The following ERAP1 variants were observed in gnomAD, a reference collection of about 807,000 sequenced individuals.
ERAP1 encodes the protein endoplasmic reticulum aminopeptidase 1, also known as adipocyte-derived leucine aminopeptidase.
Under a neutral mutation model 103.7 loss-of-function variants are expected in ERAP1, and 86 were observed. The observed-to-expected ratio is 0.83, with a 90% confidence interval of 0.70 to 0.99. The LOEUF (loss-of-function observed/expected upper bound fraction) is 0.99, where lower values mean the gene tolerates loss of function less well. ERAP1 is among the 50% of genes least tolerant of loss of function. The pLI, the probability that ERAP1 is intolerant of heterozygous loss-of-function variation, is 0.00. For missense variants in ERAP1, 1,009 were observed against 1,128.4 expected (o/e 0.89, Z 1.52); for synonymous variants, 398 against 402.4 (o/e 0.99, Z 0.13).
downstream of ERAP1, among the ~76,000 whole-genome samples, chr5:96,771,374 C>A (rs1772255697): frequency 6.6e-6 from 1 of 152,004 alleles, no homozygotes; most frequent in Non-Finnish European, 1.5e-5. Context: ...TTAAGAACAC[C>A]TATGCATATT....
the ERAP1 span, among the ~76,000 whole-genome samples, chr5:96,867,323 C>T: frequency 6.6e-6 from 1 of 152,078 alleles, no homozygotes; most frequent in African/African-American, 2.4e-5. Flanking sequence ...TGAGATTATA[C>T]CCTGTGCTTT....
chr5:96,802,295 G>A (rs1182794741), intron 2 of ERAP1, among the ~76,000 whole-genome samples: 4 of 151,986 alleles, frequency 2.6e-5, no homozygotes, highest in Admixed American at 2.6e-4. Flanking sequence ...TTAAAAAGAT[G>A]TCTAGTAATA....
At chr5:96,886,032 C>G in the ERAP1 span, among the ~76,000 whole-genome samples, 6 of 152,322 alleles carry the variant, frequency 3.9e-5, no homozygotes, top group South Asian at 1.2e-3. Flanking sequence ...TGTCACGCAG[C>G]AAGTGAGAGA....
chr5:96,869,696 T>G, the ERAP1 span, among the ~76,000 whole-genome samples: 2 of 152,102 alleles, frequency 1.3e-5, no homozygotes, highest in Non-Finnish European at 2.9e-5. Context: ...TAAACATAAG[T>G]CTAGTGAAAA....
rs1237201442 is a variant in ERAP1, at chr5:96,775,012, C to T, written c.*1384G>A. The T allele has an allele frequency of 2.4e-5, 24 of 985,350 alleles. No individual in the cohort carries two copies. Among genetic ancestry groups the T allele is most frequent in the Non-Finnish European group, 2.9e-5 (24 of 829,910 alleles). The allele number at this position is 985,350 out of a possible 1,614,324, so 61.0% of individuals were successfully genotyped here. ...CCTTTGCCAGGTGTGAGGATTTCCGCACCTTAGAGTCAGCGCAAAACACGC... is the reference window on the plus strand; with the variant it reads ...CCTTTGCCAGGTGTGAGGATTTCCGTACCTTAGAGTCAGCGCAAAACACGC... On this transcript the variant is annotated 3_prime_UTR_variant, in exon 19 of 19. Transcript: ENST00000443439.
intron 19 of ERAP1, among the ~76,000 whole-genome samples, chr5:96,763,452 G>A (rs929731732): frequency 9.9e-5 from 15 of 152,168 alleles, no homozygotes; most frequent in African/African-American, 3.6e-4. Context: ...CTAGGCTGCC[G>A]TTTACACTTC....
the ERAP1 span, among the ~76,000 whole-genome samples, chr5:96,903,140 T>G: frequency 6.6e-6 from 1 of 152,156 alleles, no homozygotes; most frequent in Non-Finnish European, 1.5e-5. Context: ...CATAGACAAT[T>G]TTTTAGAACA....
intron 19 of ERAP1, among the ~76,000 whole-genome samples, chr5:96,764,424 C>T (rs1769088018): frequency 6.6e-6 from 1 of 152,078 alleles, no homozygotes; most frequent in Non-Finnish European, 1.5e-5. Flanking sequence ...TATTGTTGTC[C>T]ATAATTTTTT....
the ERAP1 span, among the ~76,000 whole-genome samples, chr5:96,887,303 C>CTTT: frequency 5.8e-5 from 8 of 137,530 alleles, 1 homozygote; most frequent in Non-Finnish European, 6.2e-5. Flanking sequence ...TTGTTTCCGA[C>CTTT]TTTTTTTTTT....
At chr5:96,765,401 T>C (rs1769561665) in intron 19 of ERAP1, 1 of 726,446 alleles carries the variant, frequency 1.4e-6, no homozygotes, top group Non-Finnish European at 2.4e-6. Context: ...TCTGTCATTG[T>C]CATAGGAATA....
At chr5:96,828,938 C>A in the ERAP1 span, among the ~76,000 whole-genome samples, 17,507 of 152,094 alleles carry the variant, frequency 0.12, 1,297 homozygotes, top group Middle Eastern at 0.24. Flanking sequence ...CCTCTGACTC[C>A]CTTGTTCAAG....
At chr5:96,917,476 T>A in the ERAP1 span, 1 of 1,609,876 alleles carries the variant, frequency 6.2e-7, no homozygotes, top group Non-Finnish European at 8.5e-7. Context: ...AACTATTTTT[T>A]GAATCTCTTG....
downstream of ERAP1, chr5:96,770,532 A>G: frequency 1.2e-6 from 2 of 1,609,818 alleles, no homozygotes; most frequent in Non-Finnish European, 1.7e-6. Context: ...TTGCTTTAGG[A>G]TAAGTGCAAG....
At chr5:96,809,716 GTATCA>G (rs1779040081), upstream of ERAP1, among the ~76,000 whole-genome samples, 1 of 151,964 alleles carries the variant, frequency 6.6e-6, no homozygotes, top group South Asian at 2.1e-4. Flanking sequence ...TTGACAGGAG[GTATCA>G]ATGGATAGCG....
downstream of ERAP1, chr5:96,770,726 A>G (rs1176256397): frequency 1.6e-6 from 1 of 622,716 alleles, no homozygotes; most frequent in South Asian, 1.9e-5. Flanking sequence ...AGTACTATCT[A>G]TCCCATAGCA....
chr5:96,827,141 A>G, the ERAP1 span, among the ~76,000 whole-genome samples: 1 of 152,170 alleles, frequency 6.6e-6, no homozygotes. Flanking sequence ...TTTAACTCAC[A>G]TTCCTTCAAG....
At chr5:96,780,528 C>T (rs766952915) in intron 17 of ERAP1, 24 bp from the exon 18 acceptor site, 19 of 1,568,552 alleles carry the variant, frequency 1.2e-5, no homozygotes, top group East Asian at 2.2e-5. Flanking sequence ...TATTCAAAAA[C>T]GGGTTGTGAA....
the ERAP1 span, chr5:96,814,123 C>T: frequency 2.5e-6 from 1 of 404,252 alleles, no homozygotes; most frequent in African/African-American, 2.0e-5. Context: ...GCAGTCTCAC[C>T]TGAGGCCCAG....
Position 96,798,182 on chromosome 5 carries a change from G to A in ERAP1, c.664-873C>T, listed in dbSNP as rs550987543. ...CTACTAAAAATATGAAAAATTAGCC[G>A]GGCGTGGTGGCAGGTGCCTGTAGTC... On this transcript the variant is annotated intron_variant, in intron 3 of 18. Coordinates refer to ENST00000443439, the MANE Select transcript of ERAP1 (RefSeq NM_001040458.3). Among the ~76,000 whole-genome samples the A allele has an allele frequency of 9.9e-5, 15 of 151,962 alleles. No homozygotes were observed. The South Asian group carries it at 1.5e-3, about 15-fold the overall frequency.
Sources: allele counts gnomAD v4.1 joint callset (sites outside exome capture counted in the v4.1 genomes callset), GRCh38; gene constraint gnomAD v4.1.1; transcripts MANE v1.5; gene names NCBI Gene and HGNC (gene_info 2026-07-23, HGNC 2026-07-21).